Variants in SDCCAG8 observed in about 807,000 individuals in gnomAD.
The protein encoded by SDCCAG8 is serologically defined colon cancer antigen 8.
A neutral mutation model predicts 101.8 loss-of-function variants in SDCCAG8; 74 were observed. The ratio of observed to expected loss-of-function variants is 0.73; its 90% confidence interval spans 0.60 to 0.88. The LOEUF is 0.88. SDCCAG8 is among the 40% of genes least tolerant of loss of function. The probability of loss-of-function intolerance (pLI) is 0.00; values close to 1 mark genes in which losing one functional copy is unlikely to be tolerated. For missense variants in SDCCAG8, 787 were observed against 822.6 expected (o/e 0.96, Z 0.53); for synonymous variants, 281 against 292.9 (o/e 0.96, Z 0.41).
chr1:243,405,081 G>T (rs1573857285), intron 13 of SDCCAG8, among the ~76,000 whole-genome samples: 1 of 152,044 alleles, frequency 6.6e-6, no homozygotes, highest in East Asian at 1.9e-4. Flanking sequence ...GGCCAGGCTG[G>T]TCTGGAACTC....
At chr1:243,464,540 A>T (rs1659751620) in intron 16 of SDCCAG8, among the ~76,000 whole-genome samples, 1 of 152,252 alleles carries the variant, frequency 6.6e-6, no homozygotes, top group Non-Finnish European at 1.5e-5. Context: ...AAATTAATAC[A>T]CATTATTACA....
intron 16 of SDCCAG8, among the ~76,000 whole-genome samples, chr1:243,457,596 G>A (rs2083861171): frequency 6.6e-6 from 1 of 152,236 alleles, no homozygotes; most frequent in Non-Finnish European, 1.5e-5. Context: ...GCTGGTAACA[G>A]TCGGTGCATA....
intron 12 of SDCCAG8, among the ~76,000 whole-genome samples, chr1:243,358,150 GAC>G (rs2076494352): frequency 1.3e-5 from 2 of 151,866 alleles, no homozygotes; most frequent in African/African-American, 2.4e-5. Context: ...CAAGAAAAAA[GAC>G]AACCCACAGA....
chr1:243,291,461 T>G (rs1486471084), intron 5 of SDCCAG8, among the ~76,000 whole-genome samples: 1 of 152,228 alleles, frequency 6.6e-6, no homozygotes, highest in Non-Finnish European at 1.5e-5. Context: ...GAGTAGTGGC[T>G]GCTTCCTTTG....
intron 17 of SDCCAG8, among the ~76,000 whole-genome samples, chr1:243,492,885 G>A (rs986563429): frequency 7.9e-5 from 12 of 152,172 alleles, no homozygotes; most frequent in African/African-American, 2.9e-4. Flanking sequence ...GGCATTACAG[G>A]CATGAGCTTT....
At chr1:243,400,914 A>G (rs1458555814) in intron 13 of SDCCAG8, among the ~76,000 whole-genome samples, 1 of 152,176 alleles carries the variant, frequency 6.6e-6, no homozygotes, top group Non-Finnish European at 1.5e-5. Context: ...TCAACCCATG[A>G]TATGGCAATA....
intron 12 of SDCCAG8, among the ~76,000 whole-genome samples, chr1:243,364,379 G>C (rs2076879934): frequency 6.6e-6 from 1 of 152,148 alleles, no homozygotes; most frequent in Admixed American, 6.5e-5. Flanking sequence ...AGAGCCTATA[G>C]GTGAGAATGC....
At chr1:243,301,782 A>C (rs1177403586) in intron 6 of SDCCAG8, among the ~76,000 whole-genome samples, 1 of 152,224 alleles carries the variant, frequency 6.6e-6, no homozygotes, top group Non-Finnish European at 1.5e-5. Flanking sequence ...ATTTTATGAC[A>C]ACTTAAAACA....
Position 243,489,149 on chromosome 1 carries a change from C to G in SDCCAG8, c.2112+9C>G, listed in dbSNP as rs531433747. The G allele has an allele frequency of 1.9e-6, 3 of 1,611,438 alleles. No individual in the cohort carries two copies. Among genetic ancestry groups the G allele is most frequent in the African/African-American group, 2.7e-5 (2 of 75,008 alleles). On this transcript the variant is annotated intron_variant, in intron 17 of 17. Coordinates refer to ENST00000366541, the MANE Select transcript of SDCCAG8 (RefSeq NM_006642.5). ...ACCGGCTGCGGACCCAGGTACTGTG[C>G]AGAACGCGGCGCAGGTGGGAGTCCT...
chr1:243,421,208 T>C (rs557781609), intron 15 of SDCCAG8, among the ~76,000 whole-genome samples: 1 of 152,362 alleles, frequency 6.6e-6, no homozygotes, highest in African/African-American at 2.4e-5. Context: ...CTTCCTCTGT[T>C]ACTAGCAACA....
At chr1:243,402,446 A>G (rs1000810437) in intron 13 of SDCCAG8, among the ~76,000 whole-genome samples, 7 of 151,814 alleles carry the variant, frequency 4.6e-5, no homozygotes, top group Admixed American at 4.6e-4. Context: ...AGGTGAAATT[A>G]GTTTTAATAA....
chr1:243,444,527 A>T (rs748330491), intron 16 of SDCCAG8, among the ~76,000 whole-genome samples: 1 of 151,946 alleles, frequency 6.6e-6, no homozygotes, highest in Non-Finnish European at 1.5e-5. Flanking sequence ...ACATGCTGCC[A>T]TGCCCAGCTG....
At chr1:243,491,589 G>T (rs1162124350) in intron 17 of SDCCAG8, among the ~76,000 whole-genome samples, 1 of 152,186 alleles carries the variant, frequency 6.6e-6, no homozygotes, top group Non-Finnish European at 1.5e-5. Flanking sequence ...GGCTAAGCCT[G>T]GCCTTCACCT....
chr1:243,298,368 T>C (rs2071165615), intron 6 of SDCCAG8, among the ~76,000 whole-genome samples: 1 of 148,764 alleles, frequency 6.7e-6, no homozygotes, highest in African/African-American at 2.5e-5. Flanking sequence ...TTTTTTTTTT[T>C]TTTTTTGAGA....
intron 16 of SDCCAG8, among the ~76,000 whole-genome samples, chr1:243,440,825 A>C (rs1239396752): frequency 6.6e-6 from 1 of 152,124 alleles, no homozygotes; most frequent in Non-Finnish European, 1.5e-5. Context: ...TTTAAGGGGG[A>C]AGAGCAGTTT....
chr1:243,490,465 A>G (rs1666133989), intron 17 of SDCCAG8, among the ~76,000 whole-genome samples: 1 of 152,212 alleles, frequency 6.6e-6, no homozygotes, highest in South Asian at 2.1e-4. Flanking sequence ...ACGACACTAC[A>G]TTTTGAAAAC....
At chr1:243,345,307 G>A (rs1413159726) in intron 12 of SDCCAG8, among the ~76,000 whole-genome samples, 1 of 152,148 alleles carries the variant, frequency 6.6e-6, no homozygotes, top group East Asian at 1.9e-4. Flanking sequence ...AGCTTTTCAA[G>A]TCATAACTGA....
At chr1:243,308,288 T>C in intron 8 of SDCCAG8, 111 bp downstream of exon 8, 1 of 1,197,856 alleles carries the variant, frequency 8.3e-7, no homozygotes, top group Non-Finnish European at 1.2e-6. Flanking sequence ...TTATTGTTAA[T>C]CTTCAAATAC....
intron 13 of SDCCAG8, among the ~76,000 whole-genome samples, chr1:243,405,770 C>T (rs887312457): frequency 1.3e-5 from 2 of 151,792 alleles, no homozygotes; most frequent in Admixed American, 6.6e-5. Flanking sequence ...GCATGCATTA[C>T]TCTGTCATAC....
Sources: allele counts gnomAD v4.1 joint callset (sites outside exome capture counted in the v4.1 genomes callset), GRCh38; gene constraint gnomAD v4.1.1; transcripts MANE v1.5; gene names NCBI Gene and HGNC (gene_info 2026-07-23, HGNC 2026-07-21).